TDRD12: variants seen among roughly 807,000 people sequenced by gnomAD.
TDRD12 encodes the protein tudor domain containing 12, also known as putative ATP-dependent RNA helicase TDRD12.
Under a neutral mutation model 133.5 loss-of-function variants are expected in TDRD12, and 158 were observed. That is an observed-to-expected ratio of 1.18 (90% CI 1.04 to 1.35). The LOEUF is 1.35. Ranked by LOEUF, TDRD12 falls within the 40% of genes most tolerant of loss-of-function variation. The probability of loss-of-function intolerance (pLI) is 0.00; values close to 1 mark genes in which losing one functional copy is unlikely to be tolerated. For missense variants in TDRD12, 1,443 were observed against 1,321.3 expected, an observed-to-expected ratio of 1.09 and a Z score of -1.43; for synonymous variants, 460 against 477.9, an observed-to-expected ratio of 0.96 and a Z score of 0.49.
intron 10 of TDRD12, among the ~76,000 whole-genome samples, chr19:32,775,500 T>C (rs1231607985): frequency 6.6e-6 from 1 of 152,068 alleles, no homozygotes; most frequent in Non-Finnish European, 1.5e-5. Context: ...CTGGCTAACA[T>C]TTTAATTTTT....
exon 24 of TDRD12, chr19:32,811,210 G>T (rs1335512680): frequency 1.3e-6 from 2 of 1,535,530 alleles, no homozygotes; most frequent in Non-Finnish European, 1.7e-6. Context: ...TGCTCTCCAG[G>T]GTTCAGGTGT....
At chr19:32,796,803 T>C (rs974835413) in intron 14 of TDRD12, among the ~76,000 whole-genome samples, 31 of 152,052 alleles carry the variant, frequency 2.0e-4, no homozygotes, top group African/African-American at 7.5e-4. Context: ...TCAGCCTGCT[T>C]TCAGGCCTGT....
chr19:32,801,959 A>G, intron 19 of TDRD12, 86 bp downstream of exon 19: 3 of 480,710 alleles, frequency 6.2e-6, no homozygotes, highest in African/African-American at 2.0e-5. Context: ...TCTCATCTCC[A>G]GATTTCTCAT....
exon 19 of TDRD12, chr19:32,801,793 A>G (rs1205293301): frequency 2.7e-6 from 4 of 1,472,482 alleles, no homozygotes; most frequent in South Asian, 1.3e-5. Flanking sequence ...TTGAAGATGC[A>G]TAAAGAAATG....
At chr19:32,720,336 C>T (rs1249547919) in intron 1 of TDRD12, among the ~76,000 whole-genome samples, 3 of 81,220 alleles carry the variant, frequency 3.7e-5, no homozygotes, top group African/African-American at 1.1e-4. Flanking sequence ...ATGTCCACTC[C>T]CTCTCAGCCC....
At chr19:32,778,922 C>T (rs1286990099) in intron 11 of TDRD12, among the ~76,000 whole-genome samples, 1 of 152,228 alleles carries the variant, frequency 6.6e-6, no homozygotes, top group Non-Finnish European at 1.5e-5. Context: ...TCCTGTCAGT[C>T]TCCTGTGGGT....
At chr19:32,757,195 G>A (rs1469582220) in intron 8 of TDRD12, 65 bp downstream of exon 8, 7 of 1,313,812 alleles carry the variant, frequency 5.3e-6, no homozygotes, top group African/African-American at 1.5e-5. Context: ...GCTTTTTAAA[G>A]ATTAGAAAGG....
At position 32,826,498 on chromosome 19, in the gene TDRD12, T is replaced by TA. The variant is rs1967594086; in HGVS notation, c.951dup (p.Arg318LysfsTer4). The TA allele has an allele frequency of 8.0e-7, 1 of 1,252,734 alleles. No individual in the cohort carries two copies. The highest frequency in any genetic ancestry group is 1.0e-6 in the Non-Finnish European group (1 of 1,000,064). The allele number at this position is 1,252,734 out of a possible 1,614,324, so 77.6% of individuals were successfully genotyped here. A position where few individuals can be genotyped will look rare whatever the true frequency, so the allele number is the denominator to read the frequency against. ...GCTGATCTGGAGCTGCGGGGCAACA[T>TA]AAGGAAAGATGACTGCCAATGTGTG... is the stretch of plus-strand genomic sequence containing the variant. On this transcript the variant is annotated frameshift_variant, in exon 9 of 10. Transcript: ENST00000637289. LOFTEE classifies it high-confidence loss of function.
rs115580974 is a variant in TDRD12 at position 32,805,463 on chromosome 19, G to T, written c.2553-2086G>T. ...GGTTTGATTTTTCCATATGGATAAT[G>T]GTTTGCTCCAGCATCGTTTATTTAA... is the stretch of plus-strand genomic sequence containing the variant. On this transcript the variant is annotated intron_variant, in intron 21 of 27. Coordinates refer to ENST00000444215, the Ensembl canonical transcript of TDRD12. Among the ~76,000 whole-genome samples, 877 of 151,850 alleles carry T rather than the reference G, an allele frequency of 5.8e-3. 9 individuals carry two copies. The highest frequency in any genetic ancestry group is 0.02 in the African/African-American group (826 of 41,502).
chr19:32,769,786 G>A (rs1968383), intron 8 of TDRD12, among the ~76,000 whole-genome samples: 6,273 of 151,920 alleles, frequency 0.041, 297 homozygotes, highest in East Asian at 0.27. Flanking sequence ...ACAGGCATGC[G>A]CCACCACACC....
At chr19:32,826,995 G>C (rs1209491502) in intron 9 of TDRD12, among the ~76,000 whole-genome samples, 169 bp from the exon 33 acceptor site, 1 of 152,104 alleles carries the variant, frequency 6.6e-6, no homozygotes, top group African/African-American at 2.4e-5. Flanking sequence ...TAAATTATTT[G>C]TAAGCAGACC....
At chr19:32,824,989 C>T (rs184952551), downstream of TDRD12, among the ~76,000 whole-genome samples, 2 of 152,276 alleles carry the variant, frequency 1.3e-5, no homozygotes, top group Non-Finnish European at 2.9e-5. Context: ...CGTTCAGTGG[C>T]AGGACTGCCT....
At chr19:32,767,621 G>A (rs1970336040) in intron 8 of TDRD12, among the ~76,000 whole-genome samples, 1 of 152,148 alleles carries the variant, frequency 6.6e-6, no homozygotes, top group East Asian at 1.9e-4. Flanking sequence ...TGAAGGTTTT[G>A]CCGCCATCCT....
exon 10 of TDRD12, chr19:32,827,986 C>G (rs1967647506): frequency 6.6e-6 from 1 of 152,142 alleles, no homozygotes; most frequent in East Asian, 1.9e-4. Context: ...CCTGATCTTA[C>G]ACATATAAAT....
At chr19:32,779,362 C>G (rs1042290684) in intron 11 of TDRD12, among the ~76,000 whole-genome samples, 1 of 152,122 alleles carries the variant, frequency 6.6e-6, no homozygotes, top group South Asian at 2.1e-4. Context: ...TACCAGTAAG[C>G]GGTTGTATTT....
intron 11 of TDRD12, among the ~76,000 whole-genome samples, chr19:32,784,007 T>C (rs1970839970): frequency 6.6e-6 from 1 of 152,166 alleles, no homozygotes; most frequent in African/African-American, 2.4e-5. Context: ...CTTGCCTGAT[T>C]GCCCTGCCTT....
chr19:32,749,760 T>C (rs1167788909), intron 5 of TDRD12, 24 bp from the exon 6 acceptor site: 2 of 1,484,546 alleles, frequency 1.3e-6, no homozygotes, highest in South Asian at 2.5e-5. Flanking sequence ...TCAGCTGATT[T>C]GTGTTTTCAT....
exon 18 of TDRD12, chr19:32,800,765 T>G: frequency 6.5e-7 from 1 of 1,530,614 alleles, no homozygotes; most frequent in Non-Finnish European, 8.7e-7. Context: ...ACAGAAATAG[T>G]GTGTAAGGTG....
intron 5 of TDRD12, among the ~76,000 whole-genome samples, chr19:32,749,241 A>C (rs927457816): frequency 1.3e-5 from 2 of 151,992 alleles, no homozygotes; most frequent in African/African-American, 4.8e-5. Flanking sequence ...CTGCTGGGAG[A>C]TGAGAATGCG....
Sources: gnomAD v4.1 joint callset for allele counts (sites outside exome capture counted in the v4.1 genomes callset) on GRCh38, gnomAD v4.1.1 for gene constraint, MANE v1.5 for transcripts, NCBI Gene and HGNC (gene_info 2026-07-23, HGNC 2026-07-21) for gene names.